The following EML1 variants were observed in gnomAD, a reference collection of about 807,000 sequenced individuals.
The protein encoded by EML1 is EMAP like 1.
Under a neutral mutation model 110.4 loss-of-function variants are expected in EML1, and 27 were observed. The ratio of observed to expected loss-of-function variants is 0.24; its 90% CI spans 0.18 to 0.34. The LOEUF is 0.34. Among genes scored for constraint, EML1 ranks in the 10% least tolerant of loss-of-function variants. The pLI, the probability that EML1 is intolerant of heterozygous loss-of-function variation, is 1.00. For missense variants in EML1, 741 were observed against 1,030.9 expected (o/e 0.72, Z 3.85); for synonymous variants, 344 against 385.8 (o/e 0.89, Z 1.27).
chr14:99,894,405 G>T (rs570660185), intron 5 of EML1: 2 of 326,596 alleles, frequency 6.1e-6, no homozygotes, highest in East Asian at 5.3e-5. Context: ...AATTTCGTAG[G>T]TATCTCATGT....
chr14:99,869,061 T>C (rs2059151043), intron 3 of EML1, among the ~76,000 whole-genome samples: 1 of 152,226 alleles, frequency 6.6e-6, no homozygotes, highest in Non-Finnish European at 1.5e-5. Flanking sequence ...TGACCATTGA[T>C]TGTTTAAGAG....
chr14:99,765,102 T>A (rs769284159), intron 1 of EML1, among the ~76,000 whole-genome samples: 4 of 152,038 alleles, frequency 2.6e-5, no homozygotes, highest in Non-Finnish European at 5.9e-5. Context: ...CATGCACAGC[T>A]AATTTTTTTT....
At chr14:99,899,313 A>G (rs2059722610) in intron 8 of EML1, 1 of 147,640 alleles carries the variant, frequency 6.8e-6, no homozygotes, top group Admixed American at 7.0e-5. Context: ...GCTATTTTCC[A>G]TTAATTTTTT....
Position 99,808,519 on chromosome 14 carries a change from A to G in EML1, c.67+14976A>G, listed in dbSNP as rs572282103. 5.3e-5 allele frequency among the ~76,000 whole-genome samples: 8 copies of G among 152,298 alleles called. No homozygotes were observed. The East Asian group carries it at 1.5e-3, about 29-fold the overall frequency. On this transcript the variant is annotated intron_variant, in intron 1 of 21. Coordinates refer to ENST00000262233, the MANE Select transcript of EML1 (RefSeq NM_004434.3). ...CAGAGTGTAAGAACTTCCAGCATTC[A>G]TGGATCACATATATTATATACGTAT...
rs2059370266 is a variant in EML1 at position 99,880,660 on chromosome 14, C to A, written c.518+2041C>A. 2.6e-5 allele frequency among the ~76,000 whole-genome samples: 4 copies of A among 152,160 alleles called. 1 individual carries two copies. The highest frequency in any genetic ancestry group is 2.6e-4 in the Admixed American group (4 of 15,276). On this transcript the variant is annotated intron_variant, in intron 4 of 21. Transcript: ENST00000262233. ...GCTGTCCTGTGATTTAAAAAATTGC[C>A]CTTGTTGGGTTCCTGTAGGCAGCAA...
At chr14:99,859,662 C>T (rs912979679) in intron 2 of EML1, among the ~76,000 whole-genome samples, 2 of 152,126 alleles carry the variant, frequency 1.3e-5, no homozygotes, top group Admixed American at 1.3e-4. Flanking sequence ...CTACCTCCCC[C>T]ACTCTGCCTT....
chr14:99,910,419 T>A, intron 12 of EML1, 78 bp downstream of exon 12: 1 of 1,141,208 alleles, frequency 8.8e-7, no homozygotes, highest in Non-Finnish European at 1.3e-6. Context: ...TTAAGAATTG[T>A]CTATTAATAC....
chr14:99,911,107 G>T (rs2059938552), intron 12 of EML1, among the ~76,000 whole-genome samples: 1 of 152,144 alleles, frequency 6.6e-6, no homozygotes, highest in African/African-American at 2.4e-5. Flanking sequence ...TGAGGGTAGA[G>T]TAACTAAGCA....
At position 99,920,811 on chromosome 14, in the gene EML1, A is replaced by G. The variant is rs759785929; in HGVS notation, c.1843A>G (p.Thr615Ala). ...CAGGTGGTTTGTGTTTGACACAGAA[A>G]CAAAAGACTTGGTCACCGTTCACAC... The part of the protein sequence containing the change: ...TGRWFVFDTE[T>A]KDLVTVHTDG... The change falls in exon 17 of 22, where the codon ACA (threonine) becomes GCA (alanine). Residue 615 changes from threonine (T) to alanine (A), a missense_variant. This residue lies in a region of EML1 where 388 missense variants were observed against 605.6 expected (regional missense o/e 0.64). Transcript: ENST00000262233. 2.5e-6 allele frequency: 4 copies of G among 1,613,590 alleles called. No homozygotes were observed. In the African/African-American group the frequency reaches 5.3e-5, roughly 22 times the overall value.
In EML1 at chr14:99,937,843, G is replaced by GTC; in HGVS notation, c.2123_2124insCT (p.Ser709Ter). ...GGTTCCCTCTGCCTGTAAGCAAGTC[G>GTC]TAAGTGTGGAAACTACAAGAGACAT... On this transcript the variant is annotated frameshift_variant, in exon 20 of 22. Transcript: ENST00000262233. LOFTEE classifies it high-confidence loss of function. 1 of 1,614,100 alleles carries GTC rather than the reference G, an allele frequency of 6.2e-7. No homozygotes were observed. Among genetic ancestry groups the GTC allele is most frequent in the Non-Finnish European group, 8.5e-7 (1 of 1,179,978 alleles).
intron 2 of EML1, among the ~76,000 whole-genome samples, chr14:99,853,117 A>G (rs752693591): frequency 2.0e-5 from 3 of 152,250 alleles, no homozygotes; most frequent in Non-Finnish European, 4.4e-5. Context: ...TTCTTGATTA[A>G]GAATGATTTG....
intron 1 of EML1, among the ~76,000 whole-genome samples, chr14:99,760,790 T>C (rs2057306848): frequency 6.6e-6 from 1 of 152,028 alleles, no homozygotes; most frequent in African/African-American, 2.4e-5. Flanking sequence ...ACTGGTCCCA[T>C]CTTATAATGG....
At chr14:99,910,395 CA>C in intron 12 of EML1, 54 bp downstream of exon 12, 2 of 1,371,268 alleles carry the variant, frequency 1.5e-6, no homozygotes, top group East Asian at 4.6e-5. Context: ...TGTAAGAGAT[CA>C]AACATGAGTG....
At position 99,894,403 on chromosome 14, in the gene EML1, A is replaced by T. The variant is rs2048942697; in HGVS notation, c.548-226A>T. The T allele has an allele frequency of 9.5e-6, 3 of 317,076 alleles. No individual in the cohort carries two copies. The South Asian group carries it at 4.3e-4, about 45-fold the overall frequency. 19.6% of individuals were successfully genotyped at this position (317,076 alleles called of 1,614,324 possible). On this transcript the variant is annotated intron_variant, in intron 5 of 21. Transcript: ENST00000262233. Reference sequence around the variant, plus strand: ...TCCTTCCTGCCTTTTACAATTTCGTAGGTATCTCATGTACTTAAGTAAACA... The same window carrying T: ...TCCTTCCTGCCTTTTACAATTTCGTTGGTATCTCATGTACTTAAGTAAACA...
chr14:99,891,824 CATTCATTTAATTTTA>C (rs1370810598), intron 5 of EML1, among the ~76,000 whole-genome samples: 2 of 152,114 alleles, frequency 1.3e-5, no homozygotes, highest in Non-Finnish European at 2.9e-5. Flanking sequence ...TGATGAAATA[CATTCATTTAATTTTA>C]ATTGTTCTAG....
intron 1 of EML1, among the ~76,000 whole-genome samples, chr14:99,823,246 CTTCTT>C (rs1297756609): frequency 6.6e-6 from 1 of 152,046 alleles, no homozygotes; most frequent in African/African-American, 2.4e-5. Context: ...GGCAGAGTAG[CTTCTT>C]TTCTTCTGCT....
chr14:99,828,337 C>G (rs2139766684), intron 1 of EML1, among the ~76,000 whole-genome samples: 1 of 152,200 alleles, frequency 6.6e-6, no homozygotes, highest in Admixed American at 6.5e-5. Context: ...TGCTTTCATC[C>G]CTTTGTCCCA....
chr14:99,870,510 C>A (rs932767178), intron 3 of EML1, among the ~76,000 whole-genome samples: 1 of 152,196 alleles, frequency 6.6e-6, no homozygotes, highest in Admixed American at 6.5e-5. Context: ...AACAGCGTTA[C>A]ATTGGAGGAA....
At chr14:99,914,031 A>G (rs914050337) in intron 13 of EML1, 148 bp from the exon 14 acceptor site, 2 of 974,696 alleles carry the variant, frequency 2.1e-6, no homozygotes, top group African/African-American at 3.3e-5. Flanking sequence ...ATATGTATAT[A>G]CAACATATAT....
Sources: gnomAD v4.1 joint callset for allele counts (sites outside exome capture counted in the v4.1 genomes callset) on GRCh38, gnomAD v4.1.1 for gene constraint, gnomAD v4.1.1 regional missense constraint, MANE v1.5 for transcripts, NCBI Gene and HGNC (gene_info 2026-07-23, HGNC 2026-07-21) for gene names.